Variants in PLA2G4A observed in about 807,000 individuals in gnomAD.
The protein encoded by PLA2G4A is cytosolic phospholipase A2.
In PLA2G4A, 40 loss-of-function variants were observed where a neutral mutation model predicts 81.9. The ratio of observed to expected loss-of-function variants is 0.49; its 90% CI spans 0.38 to 0.64. The LOEUF (loss-of-function observed/expected upper bound fraction) is 0.64, where lower values mean the gene tolerates loss of function less well. PLA2G4A is among the 30% of genes least tolerant of loss of function. The probability of loss-of-function intolerance (pLI) is 0.00; values close to 1 mark genes in which losing one functional copy is unlikely to be tolerated. For synonymous variants in PLA2G4A, 302 were observed against 296.9 expected, an observed-to-expected ratio of 1.02 and a Z score of -0.18; for missense variants, 715 against 905.1, an observed-to-expected ratio of 0.79 and a Z score of 2.69.
intron 8 of PLA2G4A, among the ~76,000 whole-genome samples, chr1:186,935,790 A>G (rs1655924941): frequency 1.3e-5 from 2 of 151,972 alleles, no homozygotes; most frequent in African/African-American, 4.8e-5. Flanking sequence ...CTGCTGATAC[A>G]CGGCCATTAT....
chr1:186,931,661 A>G (rs1247907218), intron 7 of PLA2G4A, among the ~76,000 whole-genome samples: 1 of 151,938 alleles, frequency 6.6e-6, no homozygotes, highest in Non-Finnish European at 1.5e-5. Context: ...TCTTATGACT[A>G]TACAATCTTT....
intron 1 of PLA2G4A, among the ~76,000 whole-genome samples, chr1:186,849,592 C>G (rs1166358661): frequency 6.6e-6 from 1 of 152,082 alleles, no homozygotes; most frequent in African/African-American, 2.4e-5. Context: ...CTTGTCTTCT[C>G]TCAGTTCCTC....
At chr1:186,872,060 A>C (rs1242535487) in intron 3 of PLA2G4A, among the ~76,000 whole-genome samples, 2 of 152,196 alleles carry the variant, frequency 1.3e-5, no homozygotes, top group Non-Finnish European at 2.9e-5. Flanking sequence ...TAACAGCAAG[A>C]GTTTTGGCTG....
Position 186,839,125 on chromosome 1 carries a change from A to G in PLA2G4A, c.-70+10090A>G, listed in dbSNP as rs1193321961. On this transcript the variant is annotated intron_variant, in intron 1 of 17. Transcript: ENST00000367466. The stretch of plus-strand genomic sequence containing the variant: ...ATCTCTCATAAATCCTCTTCACATA[A>G]AAATGATTTAGTTTTACACAAATGA... 2.6e-5 allele frequency among the ~76,000 whole-genome samples: 4 copies of G among 152,200 alleles called. No homozygotes were observed. The East Asian group carries it at 7.7e-4, about 29-fold the overall frequency.
intron 17 of PLA2G4A, among the ~76,000 whole-genome samples, chr1:186,982,168 G>C (rs557598225): frequency 1.3e-5 from 2 of 152,288 alleles, no homozygotes; most frequent in East Asian, 1.9e-4. Context: ...GACGCTAAAA[G>C]CATTAGCCAT....
intron 1 of PLA2G4A, among the ~76,000 whole-genome samples, chr1:186,852,121 C>T (rs1048442357): frequency 6.6e-6 from 1 of 151,652 alleles, no homozygotes; most frequent in Non-Finnish European, 1.5e-5. Context: ...TATTAAGGGC[C>T]CACATGTGCC....
At chr1:186,941,942 A>G (rs1656169306) in intron 10 of PLA2G4A, among the ~76,000 whole-genome samples, 1 of 152,216 alleles carries the variant, frequency 6.6e-6, no homozygotes, top group South Asian at 2.1e-4. Flanking sequence ...AAAATGAGAC[A>G]AAGTATGTAA....
At chr1:186,890,674 T>A (rs578175138) in intron 3 of PLA2G4A, among the ~76,000 whole-genome samples, 1 of 151,668 alleles carries the variant, frequency 6.6e-6, no homozygotes, top group Non-Finnish European at 1.5e-5. Flanking sequence ...GCCAACATGG[T>A]GTAACCCTGT....
At chr1:186,881,755 G>GT (rs1322519290) in intron 3 of PLA2G4A, among the ~76,000 whole-genome samples, 1 of 152,048 alleles carries the variant, frequency 6.6e-6, no homozygotes, top group Non-Finnish European at 1.5e-5. Flanking sequence ...ACACCAGGAG[G>GT]GTTGAGACCT....
intron 12 of PLA2G4A, among the ~76,000 whole-genome samples, chr1:186,949,397 A>AG (rs377587365): frequency 2.5e-4 from 4 of 15,838 alleles, no homozygotes; most frequent in South Asian, 9.9e-3. Flanking sequence ...GAAAAAAGAA[A>AG]AAGAAAGAAG....
intron 1 of PLA2G4A, among the ~76,000 whole-genome samples, chr1:186,848,779 G>A (rs147076090): frequency 1.3e-5 from 2 of 151,968 alleles, no homozygotes; most frequent in South Asian, 4.1e-4. Flanking sequence ...AGGGGGCAGA[G>A]AAGGGAGAGA....
intron 17 of PLA2G4A, 135 bp from the exon 18 acceptor site, chr1:186,988,242 G>T: frequency 1.6e-6 from 1 of 625,690 alleles, no homozygotes; most frequent in Non-Finnish European, 2.7e-6. Flanking sequence ...GTGTATGCAT[G>T]ACTCGTAGAT....
At chr1:186,898,763 T>C (rs549023217) in intron 5 of PLA2G4A, among the ~76,000 whole-genome samples, 2 of 152,330 alleles carry the variant, frequency 1.3e-5, no homozygotes, top group East Asian at 3.9e-4. Context: ...ACTTTTCTGA[T>C]ACATTTAAAA....
chr1:186,894,412 A>G (rs1413870096), intron 5 of PLA2G4A, among the ~76,000 whole-genome samples: 1 of 152,180 alleles, frequency 6.6e-6, no homozygotes, highest in Non-Finnish European at 1.5e-5. Flanking sequence ...TGGTTGAGGT[A>G]TTATACCAAA....
At chr1:186,985,723 A>C (rs887480481) in intron 17 of PLA2G4A, among the ~76,000 whole-genome samples, 1 of 152,060 alleles carries the variant, frequency 6.6e-6, no homozygotes, top group South Asian at 2.1e-4. Context: ...TGAATGGCAC[A>C]AGTGAAAGAT....
chr1:186,874,398 A>G (rs1010595060), intron 3 of PLA2G4A, among the ~76,000 whole-genome samples: 3 of 152,058 alleles, frequency 2.0e-5, no homozygotes, highest in South Asian at 2.1e-4. Flanking sequence ...GGGAAAACAC[A>G]GATCCTGAAT....
At chr1:186,920,924 CT>C (rs1209940777) in intron 7 of PLA2G4A, among the ~76,000 whole-genome samples, 3 of 152,206 alleles carry the variant, frequency 2.0e-5, no homozygotes, top group Non-Finnish European at 4.4e-5. Context: ...CTCCTGATAT[CT>C]TCCGCGCTTT....
At chr1:186,888,985 A>G (rs1298649542) in intron 3 of PLA2G4A, among the ~76,000 whole-genome samples, 1 of 152,176 alleles carries the variant, frequency 6.6e-6, no homozygotes, top group Non-Finnish European at 1.5e-5. Flanking sequence ...ATAATTTTCT[A>G]CCAACTGCTA....
intron 3 of PLA2G4A, among the ~76,000 whole-genome samples, chr1:186,878,553 C>T (rs1017439767): frequency 2.0e-4 from 30 of 151,682 alleles, no homozygotes; most frequent in Middle Eastern, 3.4e-3. Flanking sequence ...TGTTTCATAA[C>T]GCATGTCTCT....
Sources: gnomAD v4.1 joint callset for allele counts (sites outside exome capture counted in the v4.1 genomes callset) on GRCh38, gnomAD v4.1.1 for gene constraint, MANE v1.5 for transcripts, NCBI Gene and HGNC (gene_info 2026-07-23, HGNC 2026-07-21) for gene names.